FHIP1A: variants seen among roughly 807,000 people sequenced by gnomAD.
The protein encoded by FHIP1A is FHF complex subunit HOOK-interacting protein 1A.
A neutral mutation model predicts 88.6 loss-of-function variants in FHIP1A; 61 were observed. The ratio of observed to expected loss-of-function variants is 0.69; its 90% CI spans 0.56 to 0.85. The LOEUF is 0.85. Ranked by LOEUF, FHIP1A falls within the 40% of genes least tolerant of loss-of-function variation. The pLI, the probability that FHIP1A is intolerant of heterozygous loss-of-function variation, is 0.00. For missense variants in FHIP1A, 1,154 were observed against 1,273.5 expected (o/e 0.91, Z 1.43); for synonymous variants, 478 against 496.0 (o/e 0.96, Z 0.48).
chr4:151,649,956 C>T lies in FHIP1A; in HGVS notation c.1915C>T (p.Gln639Ter). The change falls in exon 11 of 14, where the codon CAG becomes TAG. Residue 639 changes from glutamine (Q) to a stop codon, truncating the protein, a stop_gained. Coordinates refer to ENST00000435205, the MANE Select transcript of FHIP1A (RefSeq NM_001109977.3). LOFTEE classifies it high-confidence loss of function. ...KGSYIEESDFQDDVMVYRLCA... is the reference protein window; with the variant it reads ...KGSYIEESDF ...GTCCTACATAGAAGAGTCGGACTTT[C>T]AGGATGATGTGATGGTGTACAGGCT... 1 of 1,551,532 alleles carries T rather than the reference C, an allele frequency of 6.4e-7. No homozygotes were observed. Among genetic ancestry groups the T allele is most frequent in the Non-Finnish European group, 8.7e-7 (1 of 1,146,966 alleles).
intron 3 of FHIP1A, among the ~76,000 whole-genome samples, chr4:151,488,236 T>A (rs1256270495): frequency 6.6e-6 from 1 of 152,206 alleles, no homozygotes; most frequent in Non-Finnish European, 1.5e-5. Context: ...GTATATTGTG[T>A]GATGCTGAGG....
At chr4:151,560,029 G>A (rs745516226) in intron 3 of FHIP1A, among the ~76,000 whole-genome samples, 45 of 152,088 alleles carry the variant, frequency 3.0e-4, no homozygotes, top group Non-Finnish European at 6.3e-4. Flanking sequence ...AAACTTTATT[G>A]AAGCGGGGCA....
chr4:151,551,208 T>C (rs1356859084), intron 3 of FHIP1A, among the ~76,000 whole-genome samples: 1 of 152,158 alleles, frequency 6.6e-6, no homozygotes, highest in Non-Finnish European at 1.5e-5. Context: ...CAAAAGGTCA[T>C]CAGATAATCT....
At chr4:151,570,632 A>G (rs1478469473) in intron 4 of FHIP1A, among the ~76,000 whole-genome samples, 1 of 152,110 alleles carries the variant, frequency 6.6e-6, no homozygotes, top group Non-Finnish European at 1.5e-5. Context: ...ACTTTTTATT[A>G]AAATTACATA....
rs1578881211 is a variant in FHIP1A, at chr4:151,665,101, AGTAGCTGG to A, written c.*2349_*2356del. 6.6e-6 allele frequency among the ~76,000 whole-genome samples: 1 copy of A among 152,044 alleles called. No individual in the cohort carries two copies. Among genetic ancestry groups the A allele is most frequent in the African/African-American group, 2.4e-5 (1 of 41,370 alleles). The stretch of plus-strand genomic sequence containing the variant: ...GTGATCCTCCCACCTCAGCCTTCCG[AGTAGCTGG>A]GAATATAGGAACGTGCCACCACACC... On this transcript the variant is annotated 3_prime_UTR_variant, in exon 14 of 14. Coordinates refer to ENST00000435205, the MANE Select transcript of FHIP1A (RefSeq NM_001109977.3).
At chr4:151,596,235 T>C (rs28898355) in intron 7 of FHIP1A, among the ~76,000 whole-genome samples, 48,545 of 152,082 alleles carry the variant, frequency 0.32, 7,777 homozygotes, top group Non-Finnish European at 0.33. Flanking sequence ...GACAAAATCT[T>C]TCCGCATTTG....
intron 1 of FHIP1A, among the ~76,000 whole-genome samples, chr4:151,412,665 TTCTC>T (rs199893682): frequency 1.2e-4 from 14 of 118,602 alleles, no homozygotes; most frequent in East Asian, 2.7e-4. Flanking sequence ...CTTTCTTTCT[TTCTC>T]TCTCTCTCTC....
intron 3 of FHIP1A, among the ~76,000 whole-genome samples, chr4:151,541,253 G>T (rs1732273010): frequency 6.6e-6 from 1 of 152,172 alleles, no homozygotes; most frequent in South Asian, 2.1e-4. Context: ...CAACAGACTT[G>T]TATTTGCTAA....
Position 151,468,059 on chromosome 4 carries a change from C to T in FHIP1A, c.-248+13251C>T, listed in dbSNP as rs192833525. Among the ~76,000 whole-genome samples the T allele has an allele frequency of 1.1e-3, 168 of 150,046 alleles. 1 individual carries two copies. The highest frequency in any genetic ancestry group is 3.3e-3 in the African/African-American group (134 of 40,818). The stretch of plus-strand genomic sequence containing the variant: ...CAGCACTTGGGGAGGCCGAGGAGGG[C>T]GGATCACGAGGTCAGGAGATTGAGA... On this transcript the variant is annotated intron_variant, in intron 2 of 13. Transcript: ENST00000435205.
chr4:151,490,346 A>G (rs1730238359), intron 3 of FHIP1A, among the ~76,000 whole-genome samples: 1 of 152,162 alleles, frequency 6.6e-6, no homozygotes, highest in Non-Finnish European at 1.5e-5. Flanking sequence ...CTTTGCAGAC[A>G]TTCCCCAGCA....
At chr4:151,429,952 T>G (rs1733533442) in intron 1 of FHIP1A, among the ~76,000 whole-genome samples, 1 of 152,152 alleles carries the variant, frequency 6.6e-6, no homozygotes, top group South Asian at 2.1e-4. Flanking sequence ...TAACCAAATT[T>G]GCCACAGTTG....
In FHIP1A at chr4:151,664,762, A is replaced by G. The variant is rs1268409846; in HGVS notation, c.*2008A>G. On this transcript the variant is annotated 3_prime_UTR_variant, in exon 14 of 14. Transcript: ENST00000435205. ...TCTTCTTGTTTGGACTTACAAAGTC[A>G]TAAAATGCCAACGCCACATCTGTAA... is the stretch of plus-strand genomic sequence containing the variant. Among the ~76,000 whole-genome samples, 1 of 152,252 alleles carries G rather than the reference A, an allele frequency of 6.6e-6. No homozygotes were observed. Among genetic ancestry groups the G allele is most frequent in the Non-Finnish European group, 1.5e-5 (1 of 68,042 alleles).
At chr4:151,627,883 C>T (rs973533121) in intron 7 of FHIP1A, among the ~76,000 whole-genome samples, 2 of 152,216 alleles carry the variant, frequency 1.3e-5, no homozygotes, top group Non-Finnish European at 2.9e-5. Context: ...ATTTTATGTG[C>T]CAGGCTTTGT....
intron 1 of FHIP1A, among the ~76,000 whole-genome samples, chr4:151,420,836 C>T (rs1441862801): frequency 6.6e-6 from 1 of 152,236 alleles, no homozygotes; most frequent in Non-Finnish European, 1.5e-5. Context: ...TGCATGCCTG[C>T]AGTGCCCCAT....
chr4:151,660,770 G>A (rs917250086), intron 13 of FHIP1A, among the ~76,000 whole-genome samples: 1 of 152,156 alleles, frequency 6.6e-6, no homozygotes, highest in African/African-American at 2.4e-5. Flanking sequence ...ACTTCTGGGG[G>A]CAGGAAACTG....
chr4:151,540,455 C>T (rs939101419), intron 3 of FHIP1A, among the ~76,000 whole-genome samples: 3 of 152,140 alleles, frequency 2.0e-5, no homozygotes, highest in Non-Finnish European at 4.4e-5. Flanking sequence ...TTTTCAAATA[C>T]TTAAATATAA....
intron 5 of FHIP1A, among the ~76,000 whole-genome samples, chr4:151,580,050 G>A (rs192291714): frequency 6.6e-6 from 1 of 152,250 alleles, no homozygotes; most frequent in East Asian, 1.9e-4. Context: ...AATACGACTA[G>A]TATCCAGTTC....
At chr4:151,421,378 G>A in intron 1 of FHIP1A, among the ~76,000 whole-genome samples, 1 of 152,164 alleles carries the variant, frequency 6.6e-6, no homozygotes, top group African/African-American at 2.4e-5. Flanking sequence ...TAAGCTCAAA[G>A]TATTGCAAAT....
At chr4:151,551,234 AG>A (rs1463529516) in intron 3 of FHIP1A, among the ~76,000 whole-genome samples, 2 of 152,320 alleles carry the variant, frequency 1.3e-5, no homozygotes, top group African/African-American at 4.8e-5. Flanking sequence ...TGATGAACAT[AG>A]TGTTAAGGTA....
Sources: allele counts gnomAD v4.1 joint callset (sites outside exome capture counted in the v4.1 genomes callset), GRCh38; gene constraint gnomAD v4.1.1; transcripts MANE v1.5; gene names NCBI Gene and HGNC (gene_info 2026-07-23, HGNC 2026-07-21).